The following SMARCD3 variants were observed in gnomAD, a reference collection of about 807,000 sequenced individuals.
SMARCD3 encodes SWI/SNF related BAF chromatin remodeling complex subunit D3, also known as SWI/SNF-related matrix-associated actin-dependent regulator of chromatin subfamily D member 3.
SMARCD3 carries 14 observed loss-of-function variants against 58.0 expected under a neutral mutation model. The observed-to-expected ratio is 0.24, with a 90% CI of 0.16 to 0.38. The LOEUF (loss-of-function observed/expected upper bound fraction) is 0.38. SMARCD3 is among the 10% of genes least tolerant of loss of function. SMARCD3 has a pLI of 1.00. For synonymous variants in SMARCD3, 253 were observed against 253.8 expected (o/e 1.00, Z 0.03); for missense variants, 408 against 636.9 (o/e 0.64, Z 3.87).
At chr7:151,248,709 T>G, upstream of SMARCD3, 1 of 1,287,286 alleles carries the variant, frequency 7.8e-7, no homozygotes, top group South Asian at 2.4e-5. This position sits in a 1 kb window ranked among gnomAD's most constrained non-coding sequence, Gnocchi z 6.1. Flanking sequence ...AGGGGGCCCC[T>G]TCAGGGCTGC....
At chr7:151,248,784 G>T (rs1410822189), upstream of SMARCD3, 2 of 755,848 alleles carry the variant, frequency 2.6e-6, no homozygotes, top group Non-Finnish European at 3.3e-6. This position sits in a 1 kb window ranked among gnomAD's most constrained non-coding sequence, Gnocchi z 6.1. Flanking sequence ...CGCGGCTGCC[G>T]CATTCCTGCA....
At position 151,246,976 on chromosome 7, in the gene SMARCD3, C is replaced by T. The variant is rs565972602; in HGVS notation, c.79-1305G>A. On this transcript the variant is annotated intron_variant, in intron 1 of 12. Transcript: ENST00000262188. This position sits in a 1 kb window ranked among gnomAD's most constrained non-coding sequence, Gnocchi z 4.4. ...CTTGGGCTTGCTGTTTTCCTTCCAA[C>T]TGCTACCTCTCCCTCCTGGTCCTCC... 2.3e-4 allele frequency among the ~76,000 whole-genome samples: 35 copies of T among 152,146 alleles called. No homozygotes were observed. The highest frequency in any genetic ancestry group is 4.1e-4 in the Non-Finnish European group (28 of 68,012).
chr7:151,262,092 CTT>C (rs367849693), intron 2 of SMARCD3, among the ~76,000 whole-genome samples: 3 of 96,088 alleles, frequency 3.1e-5, no homozygotes, highest in Non-Finnish European at 2.8e-5. Flanking sequence ...GCACTTCAAC[CTT>C]TTTTTTTTTT....
At chr7:151,253,803 C>A (rs994178807) in intron 2 of SMARCD3, among the ~76,000 whole-genome samples, 1 of 147,452 alleles carries the variant, frequency 6.8e-6, no homozygotes, top group Non-Finnish European at 1.5e-5. Flanking sequence ...GGTGCTATAA[C>A]TTCTCTCCCA....
In SMARCD3 at chr7:151,245,909, C is replaced by T; in HGVS notation, c.79-238G>A. On this transcript the variant is annotated intron_variant, in intron 1 of 12. Transcript: ENST00000262188. The surrounding 1 kb of genome is among the most constrained non-coding windows in gnomAD (Gnocchi z 6.2). ...GGAAGCTAACTGAAGCCAGGCACCGCACAGGGCATTGCGAGCCTCGGGGCT... is the reference window on the plus strand; with the variant it reads ...GGAAGCTAACTGAAGCCAGGCACCGTACAGGGCATTGCGAGCCTCGGGGCT... The T allele has an allele frequency of 2.7e-6, 1 of 369,856 alleles. No individual in the cohort carries two copies. Among genetic ancestry groups the T allele is most frequent in the Non-Finnish European group, 4.8e-6 (1 of 207,998 alleles). The allele number at this position is 369,856 out of a possible 1,614,324, so 22.9% of individuals were successfully genotyped here.
At chr7:151,240,717 T>G (rs1584863840) in intron 8 of SMARCD3, 195 bp from the exon 9 acceptor site, 1 of 552,100 alleles carries the variant, frequency 1.8e-6, no homozygotes, top group Admixed American at 3.1e-5. Context: ...AGGGGGTGGG[T>G]CAGTGTGGGG....
In SMARCD3 at chr7:151,240,219, C is replaced by A; in HGVS notation, c.1066G>T (p.Ala356Ser). The change falls in exon 10 of 13, where the codon GCG becomes TCG. Residue 356 changes from alanine (A) to serine (S), a missense_variant. Physicochemically the swap from Ala to Ser is moderately conservative, Grantham distance 99. Around this residue, in one of 4 missense-constraint regions of SMARCD3, gnomAD observed 115 missense variants for 257.2 expected, o/e 0.45. Transcript: ENST00000262188. ...SVDPSDQKKT[A>S]CYDIDVEVEE... is the part of the protein sequence containing the mutation. ...ACCTCCACGTCAATGTCATAGCACGCCGTCTTCTTCTGGTCTGAAGGGTCC... is the reference window on the plus strand; with the variant it reads ...ACCTCCACGTCAATGTCATAGCACGACGTCTTCTTCTGGTCTGAAGGGTCC... The A allele has an allele frequency of 1.2e-6, 2 of 1,614,150 alleles. No individual in the cohort carries two copies. Among genetic ancestry groups the A allele is most frequent in the Non-Finnish European group, 1.7e-6 (2 of 1,180,020 alleles).
intron 2 of SMARCD3, among the ~76,000 whole-genome samples, chr7:151,270,586 C>T (rs976960845): frequency 6.6e-6 from 1 of 152,126 alleles, no homozygotes; most frequent in African/African-American, 2.4e-5. Flanking sequence ...GAAAGCCTCC[C>T]TGGAAGAGGT....
chr7:151,256,287 C>T (rs965021977), intron 2 of SMARCD3, among the ~76,000 whole-genome samples: 21 of 152,128 alleles, frequency 1.4e-4, no homozygotes, highest in African/African-American at 3.9e-4. Context: ...TCTTGTGCCT[C>T]GGCCTCCTGA....
chr7:151,263,603 A>G (rs1803985071), intron 2 of SMARCD3, among the ~76,000 whole-genome samples: 1 of 151,878 alleles, frequency 6.6e-6, no homozygotes. Context: ...GTTATTATGA[A>G]CATCTTCTTC....
intron 2 of SMARCD3, among the ~76,000 whole-genome samples, chr7:151,264,910 T>C (rs1282536376): frequency 6.6e-6 from 1 of 152,178 alleles, no homozygotes; most frequent in African/African-American, 2.4e-5. Flanking sequence ...ATTAGTGTTC[T>C]AGCAGCCCAG....
intron 2 of SMARCD3, among the ~76,000 whole-genome samples, chr7:151,274,183 G>A (rs1795264771): frequency 6.6e-6 from 1 of 152,226 alleles, no homozygotes; most frequent in Non-Finnish European, 1.5e-5. Flanking sequence ...ACAGGGACTG[G>A]GCTCCACATA....
intron 2 of SMARCD3, among the ~76,000 whole-genome samples, chr7:151,260,101 G>T (rs1803869257): frequency 6.6e-6 from 1 of 152,148 alleles, no homozygotes; most frequent in Non-Finnish European, 1.5e-5. Flanking sequence ...AAAATTCACT[G>T]TGCTATCACA....
rs570142769 is a variant in SMARCD3 at position 151,261,377 on chromosome 7, A to G, written c.39+13737T>C. ...GGAGGGTGAAATTGCCCCAGGGTTG[A>G]GAACCACAGCCCTTGAGTCAATTGG... On this transcript the variant is annotated intron_variant, in intron 2 of 13. Transcript: ENST00000356800. 1.4e-4 allele frequency among the ~76,000 whole-genome samples: 22 copies of G among 152,292 alleles called. No individual in the cohort carries two copies. In the East Asian group the frequency reaches 3.9e-3, roughly 27 times the overall value.
chr7:151,256,681 G>A (rs1048618981), intron 2 of SMARCD3, among the ~76,000 whole-genome samples: 2 of 151,962 alleles, frequency 1.3e-5, no homozygotes, highest in East Asian at 1.9e-4. Flanking sequence ...CCCACACCCC[G>A]ACAGGAGTTT....
upstream of SMARCD3, chr7:151,276,779 G>A (rs1235813233): frequency 1.5e-5 from 2 of 132,146 alleles, no homozygotes; most frequent in Non-Finnish European, 3.3e-5. Flanking sequence ...GAAGTGCCAG[G>A]TGAGGAGAAG....
intron 2 of SMARCD3, among the ~76,000 whole-genome samples, chr7:151,261,399 T>C (rs1238878025): frequency 6.6e-6 from 1 of 152,138 alleles, no homozygotes; most frequent in Non-Finnish European, 1.5e-5. Flanking sequence ...CTTGAGTCAA[T>C]TGGTTCTGGG....
upstream of SMARCD3, among the ~76,000 whole-genome samples, chr7:151,251,167 T>G (rs926895487): frequency 1.3e-5 from 2 of 150,912 alleles, no homozygotes; most frequent in East Asian, 2.0e-4. Flanking sequence ...TTGCGGGAGG[T>G]AGTTAGACGA....
At position 151,248,593 on chromosome 7, in the gene SMARCD3, C is replaced by T. The variant is rs750584510; in HGVS notation, c.-31G>A. On this transcript the variant is annotated 5_prime_UTR_variant, in exon 1 of 13. Coordinates refer to ENST00000262188, the MANE Select transcript of SMARCD3 (RefSeq NM_001003801.2). The surrounding 1 kb of genome is among the most constrained non-coding windows in gnomAD (Gnocchi z 6.1). ...TGGGCTCAGCGGCTCCTCTCACTCT[C>T]TCTCTCTCTTCCTCTTTCTTTCCCT... The T allele has an allele frequency of 3.7e-6, 6 of 1,612,758 alleles. No individual in the cohort carries two copies. In the South Asian group the frequency reaches 5.5e-5, roughly 15 times the overall value.
Sources: gnomAD v4.1 joint callset for allele counts (sites outside exome capture counted in the v4.1 genomes callset) on GRCh38, gnomAD v4.1.1 for gene constraint, gnomAD v4.1.1 regional missense constraint, Gnocchi (gnomAD v3.1) non-coding constraint, MANE v1.5 for transcripts, NCBI Gene and HGNC (gene_info 2026-07-23, HGNC 2026-07-21) for gene names.